SORBS2: variants seen among roughly 807,000 people sequenced by gnomAD.
SORBS2 encodes the protein sorbin and SH3 domain-containing protein 2.
Under a neutral mutation model 97.7 loss-of-function variants are expected in SORBS2, and 46 were observed. The ratio of observed to expected loss-of-function variants is 0.47; its 90% CI spans 0.37 to 0.60. SORBS2 has a LOEUF of 0.60. Among genes scored for constraint, SORBS2 ranks in the 20% least tolerant of loss-of-function variants. The pLI, the probability that SORBS2 is intolerant of heterozygous loss-of-function variation, is 0.00. For synonymous variants in SORBS2, 476 were observed against 473.4 expected (o/e 1.01, Z -0.07); for missense variants, 1,316 against 1,282.3 (o/e 1.03, Z -0.40).
At chr4:185,624,286 G>A (rs1339582552) in exon 7 of SORBS2, 1 of 1,614,052 alleles carries the variant, frequency 6.2e-7, no homozygotes, top group African/African-American at 1.3e-5. Flanking sequence ...ATTTGATTTT[G>A]GGAGAGACGG....
intron 1 of SORBS2, among the ~76,000 whole-genome samples, chr4:185,929,540 T>A: frequency 6.6e-6 from 1 of 151,160 alleles, no homozygotes; most frequent in East Asian, 1.9e-4. Context: ...GTTTTTTTTT[T>A]TTTTTTGAGA....
chr4:185,942,383 C>T (rs1213334260), intron 1 of SORBS2, among the ~76,000 whole-genome samples: 1 of 150,946 alleles, frequency 6.6e-6, no homozygotes, highest in Admixed American at 6.6e-5. Context: ...TGGAACCTCA[C>T]TTTGTCACTC....
chr4:185,604,914 C>T (rs899616241), intron 12 of SORBS2, among the ~76,000 whole-genome samples: 1 of 152,080 alleles, frequency 6.6e-6, no homozygotes, highest in Non-Finnish European at 1.5e-5. Context: ...GCTGGGGAAG[C>T]CGTGGCCCCG....
At chr4:185,691,859 C>T (rs1010326645) in intron 2 of SORBS2, among the ~76,000 whole-genome samples, 2 of 152,190 alleles carry the variant, frequency 1.3e-5, no homozygotes, top group African/African-American at 4.8e-5. Context: ...ATTCTTCTGC[C>T]TCAGCCTCCC....
intron 1 of SORBS2, among the ~76,000 whole-genome samples, chr4:185,909,130 A>G (rs537954421): frequency 6.6e-6 from 1 of 152,344 alleles, no homozygotes; most frequent in Non-Finnish European, 1.5e-5. Flanking sequence ...CACAATGGCA[A>G]AGATATGGAA....
intron 3 of SORBS2, 130 bp downstream of exon 12, chr4:185,649,337 T>C (rs772355533): frequency 4.2e-6 from 3 of 713,102 alleles, no homozygotes; most frequent in Non-Finnish European, 6.6e-6. Flanking sequence ...CAATATGGTA[T>C]ATGTATAGAC....
chr4:185,923,471 A>ATTTTTTTT (rs1491276775), intron 1 of SORBS2, among the ~76,000 whole-genome samples: 1 of 43,756 alleles, frequency 2.3e-5, no homozygotes, highest in Non-Finnish European at 5.2e-5. Flanking sequence ...TCTTTTTTTT[A>ATTTTTTTT]ATTTTTTTTT....
chr4:185,809,495 T>C (rs571899601), intron 1 of SORBS2, among the ~76,000 whole-genome samples: 2 of 138,778 alleles, frequency 1.4e-5, no homozygotes, highest in East Asian at 2.0e-4. Context: ...TGATATAGTA[T>C]GTTTTGGAAA....
At chr4:185,702,839 A>G (rs1219531720) in intron 2 of SORBS2, among the ~76,000 whole-genome samples, 2 of 152,178 alleles carry the variant, frequency 1.3e-5, no homozygotes, top group Non-Finnish European at 2.9e-5. Flanking sequence ...TGCTAAATCT[A>G]GGAAAGGTAT....
At chr4:185,717,381 G>A (rs534225572) in intron 2 of SORBS2, among the ~76,000 whole-genome samples, 20 of 152,366 alleles carry the variant, frequency 1.3e-4, no homozygotes, top group Middle Eastern at 3.4e-3. Flanking sequence ...GACTAAGGGA[G>A]CCATGGATAT....
At chr4:185,919,291 C>T (rs2099259862) in intron 1 of SORBS2, 1 of 152,144 alleles carries the variant, frequency 6.6e-6, no homozygotes, top group African/African-American at 2.4e-5. Flanking sequence ...AAAACTCTTA[C>T]TCTTTTTGCT....
intron 1 of SORBS2, among the ~76,000 whole-genome samples, chr4:185,789,791 T>C (rs1015402890): frequency 6.6e-6 from 1 of 152,174 alleles, no homozygotes; most frequent in African/African-American, 2.4e-5. Context: ...ATTAGAAGTT[T>C]TTGAAAATGT....
At chr4:185,703,176 T>G (rs1373707921) in intron 2 of SORBS2, among the ~76,000 whole-genome samples, 2 of 152,358 alleles carry the variant, frequency 1.3e-5, no homozygotes, top group South Asian at 2.1e-4. Context: ...TGCCCTACCC[T>G]TGAGCTTCTC....
At chr4:185,690,222 G>C (rs1458591109) in intron 2 of SORBS2, among the ~76,000 whole-genome samples, 1 of 152,296 alleles carries the variant, frequency 6.6e-6, no homozygotes, top group East Asian at 1.9e-4. Flanking sequence ...TTCTTCTAGA[G>C]CAACTTGCCT....
intron 1 of SORBS2, among the ~76,000 whole-genome samples, chr4:185,850,893 T>C (rs1458203856): frequency 6.6e-6 from 1 of 152,114 alleles, no homozygotes; most frequent in Non-Finnish European, 1.5e-5. Flanking sequence ...AGGGCCTGAA[T>C]AGAATGAAAA....
chr4:185,924,911 G>A (rs768480569), intron 1 of SORBS2, among the ~76,000 whole-genome samples: 9 of 151,862 alleles, frequency 5.9e-5, no homozygotes, highest in Non-Finnish European at 1.3e-4. Context: ...TAATCCTATC[G>A]GCGTGAGACC....
intron 1 of SORBS2, among the ~76,000 whole-genome samples, chr4:185,950,211 C>T (rs1364364389): frequency 6.7e-6 from 1 of 149,850 alleles, no homozygotes; most frequent in Non-Finnish European, 1.5e-5. Flanking sequence ...GAGATTGTGC[C>T]ATTGCACTCC....
Position 185,893,711 on chromosome 4 carries a change from G to A in SORBS2, c.-338+62485C>T, listed in dbSNP as rs150159138. Among the ~76,000 whole-genome samples the A allele has an allele frequency of 7.2e-5, 11 of 152,284 alleles. No individual in the cohort carries two copies. The East Asian group carries it at 1.2e-3, about 16-fold the overall frequency. ...TTTTAGACTATCTTCCATTCCAGGC[G>A]ATGGAAGGAACAGGGGCTAGGGGTT... On this transcript the variant is annotated intron_variant, in intron 1 of 20. Coordinates refer to the SORBS2 transcript ENST00000284776.
At chr4:185,791,417 A>G (rs1284039318) in intron 1 of SORBS2, among the ~76,000 whole-genome samples, 1 of 152,150 alleles carries the variant, frequency 6.6e-6, no homozygotes, top group Non-Finnish European at 1.5e-5. Flanking sequence ...CTTCTGTTTT[A>G]TTCATATAGC....
Sources: allele counts gnomAD v4.1 joint callset (sites outside exome capture counted in the v4.1 genomes callset), GRCh38; gene constraint gnomAD v4.1.1; transcripts MANE v1.5; gene names NCBI Gene and HGNC (gene_info 2026-07-23, HGNC 2026-07-21).